The following UBALD1 variants were observed in gnomAD, a reference collection of about 807,000 sequenced individuals.
UBALD1 encodes the protein UBA-like domain-containing protein 1.
UBALD1 carries 5 observed loss-of-function variants against 16.1 expected under a neutral mutation model. The observed-to-expected ratio is 0.31, with a 90% CI of 0.16 to 0.66. The LOEUF is 0.66. Among genes scored for constraint, UBALD1 ranks in the 30% least tolerant of loss-of-function variants. The probability of loss-of-function intolerance (pLI) is 0.77; values close to 1 mark genes in which losing one functional copy is unlikely to be tolerated. For missense variants in UBALD1, 220 were observed against 252.8 expected (o/e 0.87, Z 0.88); for synonymous variants, 146 against 105.3 (o/e 1.39, Z -2.37).
chr16:4,612,566 C>G (rs577528762), intron 1 of UBALD1, among the ~76,000 whole-genome samples: 75 of 152,210 alleles, frequency 4.9e-4, no homozygotes, highest in African/African-American at 1.7e-3. Flanking sequence ...GAGCCCCAGG[C>G]CACACCAGAC....
intron 1 of UBALD1, among the ~76,000 whole-genome samples, chr16:4,612,157 T>C (rs1431858138): frequency 6.6e-6 from 1 of 151,246 alleles, no homozygotes; most frequent in Non-Finnish European, 1.5e-5. Context: ...CTTTGCCTTC[T>C]AGTTCAAGTG....
At chr16:4,613,196 G>C (rs1264615158) in intron 1 of UBALD1, among the ~76,000 whole-genome samples, 1 of 152,148 alleles carries the variant, frequency 6.6e-6, no homozygotes, top group African/African-American at 2.4e-5. Flanking sequence ...GGGCTGATGA[G>C]GGCTGTGGAG....
chr16:4,612,452 AG>A (rs1355704836), intron 1 of UBALD1, among the ~76,000 whole-genome samples: 1 of 152,126 alleles, frequency 6.6e-6, no homozygotes, highest in African/African-American at 2.4e-5. Context: ...GTGGGAGCTC[AG>A]GCATGGGGGC....
chr16:4,614,377 G>A, intron 1 of UBALD1: 1 of 371,230 alleles, frequency 2.7e-6, no homozygotes, highest in African/African-American at 2.1e-5. Flanking sequence ...CCGCGGGGCC[G>A]CCCGGCCCTC....
Position 4,609,502 on chromosome 16 carries a change from G to A in UBALD1, c.*131C>T. On this transcript the variant is annotated 3_prime_UTR_variant, in exon 3 of 3. Coordinates refer to ENST00000283474, the MANE Select transcript of UBALD1 (RefSeq NM_145253.3). ...CCAGACGTGTCCCTGCCTGGCTAGA[G>A]TCCGCGCTCTCCCCTCCAGGGCTCC... 1 of 441,578 alleles carries A rather than the reference G, an allele frequency of 2.3e-6. No individual in the cohort carries two copies. The highest frequency in any genetic ancestry group is 3.9e-6 in the Non-Finnish European group (1 of 258,284). 27.4% of individuals were successfully genotyped at this position (441,578 alleles called of 1,614,324 possible).
At chr16:4,611,923 G>A (rs1262800078) in intron 1 of UBALD1, among the ~76,000 whole-genome samples, 1 of 152,084 alleles carries the variant, frequency 6.6e-6, no homozygotes, top group Non-Finnish European at 1.5e-5. Context: ...CCGCCGAGGT[G>A]CCCCTACCGC....
chr16:4,612,051 G>T (rs1271825995), intron 1 of UBALD1, among the ~76,000 whole-genome samples: 1 of 149,822 alleles, frequency 6.7e-6, no homozygotes. Flanking sequence ...GTATGGGTGG[G>T]AGGCTATTTA....
chr16:4,612,788 C>G (rs543297568), intron 1 of UBALD1, among the ~76,000 whole-genome samples: 4 of 152,134 alleles, frequency 2.6e-5, no homozygotes, highest in Non-Finnish European at 5.9e-5. Context: ...ATTCCAAGGC[C>G]TGAAGTCCCG....
intron 1 of UBALD1, 58 bp downstream of exon 1, chr16:4,614,620 C>T: frequency 7.7e-7 from 1 of 1,301,980 alleles, no homozygotes; most frequent in Non-Finnish European, 9.7e-7. Flanking sequence ...GCCCGGCGGC[C>T]ACGCGGGACA....
chr16:4,614,674 G>C lies in UBALD1; in HGVS notation c.120+4C>G. Reference sequence around the variant, plus strand: ...GGCCCTCGCCCGGCTCCGGCGCCGCGCACCTCGAACTGCCAGTGGGCCGCC... The same window carrying C: ...GGCCCTCGCCCGGCTCCGGCGCCGCCCACCTCGAACTGCCAGTGGGCCGCC... On this transcript the variant is annotated splice_donor_region_variant and intron_variant, in intron 1 of 2. Coordinates refer to ENST00000283474, the MANE Select transcript of UBALD1 (RefSeq NM_145253.3). The C allele has an allele frequency of 2.6e-6, 4 of 1,527,956 alleles. No individual in the cohort carries two copies. The highest frequency in any genetic ancestry group is 3.5e-6 in the Non-Finnish European group (4 of 1,139,664). 94.6% of individuals were successfully genotyped at this position (1,527,956 alleles called of 1,614,324 possible).
intron 1 of UBALD1, chr16:4,610,865 G>C (rs1596546741): frequency 2.2e-6 from 1 of 445,904 alleles, no homozygotes; most frequent in East Asian, 3.4e-5. Context: ...CACCATGACT[G>C]GGGGAGGGCG....
intron 1 of UBALD1, 103 bp downstream of exon 1, chr16:4,614,575 C>T (rs1416106078): frequency 6.3e-6 from 8 of 1,278,278 alleles, no homozygotes; most frequent in Non-Finnish European, 7.9e-6. Context: ...CCGGAGGGGG[C>T]GCACAGCCGG....
Position 4,609,361 on chromosome 16 carries a change from A to AG in UBALD1, c.*271dup, listed in dbSNP as rs1475839441. The AG allele has an allele frequency of 2.9e-6, 1 of 343,622 alleles. No homozygotes were observed. Among genetic ancestry groups the AG allele is most frequent in the Non-Finnish European group, 5.2e-6 (1 of 191,192 alleles). The allele number at this position is 343,622 out of a possible 1,614,324, so 21.3% of individuals were successfully genotyped here. ...GCTGGGCAGGTGCGTCTTCGAAGGA[A>AG]GGCTGCGTGGTCTCTGAAGTTCTGT... On this transcript the variant is annotated 3_prime_UTR_variant, in exon 3 of 3. Transcript: ENST00000283474.
chr16:4,613,347 C>A (rs571195562), intron 1 of UBALD1, among the ~76,000 whole-genome samples: 13 of 152,290 alleles, frequency 8.5e-5, no homozygotes, highest in African/African-American at 2.9e-4. Flanking sequence ...GACAGAGCAG[C>A]CTCCCACGTC....
rs753877950 is a variant in UBALD1 at position 4,610,470 on chromosome 16, C to A, written c.183+23G>T. The A allele has an allele frequency of 3.1e-6, 5 of 1,590,904 alleles. No homozygotes were observed. In the South Asian group the frequency reaches 3.4e-5, roughly 11 times the overall value. On this transcript the variant is annotated intron_variant, in intron 2 of 2. Transcript: ENST00000283474. ...CGGCCTCCTTCCGCCCAATCCAGAA[C>A]TGGGGACTCCGGGGACACTTACCAT...
chr16:4,614,622 C>T, intron 1 of UBALD1, 56 bp downstream of exon 1: 1 of 1,331,026 alleles, frequency 7.5e-7, no homozygotes, highest in Non-Finnish European at 9.6e-7. Flanking sequence ...CCGGCGGCCA[C>T]GCGGGACACA....
At chr16:4,610,021 CT>C in intron 2 of UBALD1, 38 bp from the exon 3 acceptor site, 1 of 1,488,708 alleles carries the variant, frequency 6.7e-7, no homozygotes, top group Non-Finnish European at 9.2e-7. Flanking sequence ...GTGAGCACCC[CT>C]TCCTGGAGGG....
chr16:4,609,770 C>A lies in UBALD1; in HGVS notation c.397G>T (p.Gly133Cys). 6.6e-7 allele frequency: 1 copy of A among 1,504,428 alleles called. No homozygotes were observed. Among genetic ancestry groups the A allele is most frequent in the African/African-American group, 1.4e-5 (1 of 70,852 alleles). The allele number at this position is 1,504,428 out of a possible 1,614,324, so 93.2% of individuals were successfully genotyped here. Residue 133 changes from glycine to cysteine, a missense_variant, in exon 3 of 3, where the codon GGC becomes TGC. By Grantham distance (159) the Gly-to-Cys change is radical. Coordinates refer to ENST00000283474, the MANE Select transcript of UBALD1 (RefSeq NM_145253.3). ...GGCTGTGGCTGGTGGTGCTGTGGGC[C>A]CCCCGGGGGCGAGGCCGCCGTGGGC... ...SWPTAASPPG[G>C]PQHHQPQPPL...
rs1897333384 is a variant in UBALD1, at chr16:4,609,726, T to G, written c.441A>C (p.Thr147=). ...HQPQPPLWTP[T]PPSPASDWPP... is the part of the protein sequence containing the mutation. ...GCCAGTCTGAAGCCGGAGAAGGGGG[T>G]GTTGGAGTCCACAGGGGCGGCTGTG... The change falls in exon 3 of 3, where the codon ACA becomes ACC. Residue 147 remains threonine, a synonymous_variant. Coordinates refer to ENST00000283474, the MANE Select transcript of UBALD1 (RefSeq NM_145253.3). The G allele has an allele frequency of 8.2e-6, 12 of 1,467,744 alleles. No individual in the cohort carries two copies. Among genetic ancestry groups the G allele is most frequent in the Admixed American group, 2.5e-5 (1 of 40,162 alleles). 90.9% of individuals were successfully genotyped at this position (1,467,744 alleles called of 1,614,324 possible).
Sources: allele counts gnomAD v4.1 joint callset (sites outside exome capture counted in the v4.1 genomes callset), GRCh38; gene constraint gnomAD v4.1.1; transcripts MANE v1.5; gene names NCBI Gene and HGNC (gene_info 2026-07-23, HGNC 2026-07-21).